The following SURF4 variants were observed in gnomAD, a reference collection of about 807,000 sequenced individuals.
The protein encoded by SURF4 is surfeit 4, also known as surfeit locus protein 4.
Under a neutral mutation model 30.0 loss-of-function variants are expected in SURF4, and 3 were observed. The ratio of observed to expected loss-of-function variants is 0.10; its 90% CI spans 0.05 to 0.26. The LOEUF is 0.26. Ranked by LOEUF, SURF4 falls within the 10% of genes least tolerant of loss-of-function variation. The probability of loss-of-function intolerance (pLI) is 1.00; values close to 1 mark genes in which losing one functional copy is unlikely to be tolerated. For missense variants in SURF4, 217 were observed against 350.8 expected (o/e 0.62, Z 3.05); for synonymous variants, 143 against 139.9 (o/e 1.02, Z -0.16).
intron 1 of SURF4, among the ~76,000 whole-genome samples, chr9:133,368,012 C>T (rs1837279798): frequency 6.6e-6 from 1 of 152,250 alleles, no homozygotes; most frequent in African/African-American, 2.4e-5. Flanking sequence ...CAGCAGCCTC[C>T]CTCCTGAGGC....
rs185339843 is a variant in SURF4 at position 133,372,577 on chromosome 9, T to G, written c.48+3345A>C. 5,916 of 985,192 alleles carry G rather than the reference T, an allele frequency of 6.0e-3. 17 individuals are homozygous for G. The highest frequency in any genetic ancestry group is 9.9e-3 in the Middle Eastern group (19 of 1,914). The allele number at this position is 985,192 out of a possible 1,614,324, so 61.0% of individuals were successfully genotyped here. On this transcript the variant is annotated intron_variant, in intron 1 of 5. Coordinates refer to ENST00000371989, the MANE Select transcript of SURF4 (RefSeq NM_033161.4). ...CTGGAAGACACTGGGCCTGGGAAAC[T>G]AAGCTTACTTAGGTCTTGCTTTCAG...
chr9:133,376,508 C>T (rs2130248651), upstream of SURF4: 108 of 1,599,934 alleles, frequency 6.8e-5, no homozygotes, highest in Non-Finnish European at 7.2e-5. Context: ...AGGCGCCCCA[C>T]GCAGGGGGAG....
rs1055218903 is a variant in SURF4, at chr9:133,376,027, G to A, written c.-58C>T. The A allele has an allele frequency of 3.6e-4, 439 of 1,213,640 alleles. 4 individuals are homozygous for A. Among genetic ancestry groups the A allele is most frequent in the Middle Eastern group, 3.1e-4 (1 of 3,176 alleles). 75.2% of individuals were successfully genotyped at this position (1,213,640 alleles called of 1,614,324 possible). On this transcript the variant is annotated 5_prime_UTR_variant, in exon 1 of 6. Transcript: ENST00000371989. ...GCTCGCTCGCTGGCTCTCGCCCGTC[G>A]GCGCCCGCACCCGCTGCGGCCTCCA...
At position 133,372,734 on chromosome 9, in the gene SURF4, T is replaced by C. The variant is rs2130199558; in HGVS notation, c.48+3188A>G. On this transcript the variant is annotated intron_variant, in intron 1 of 5. Transcript: ENST00000371989. ...AATCCTCTATCGGCTTCAAATTAGG[T>C]CATTTTCATGTAAAAGCCTGGTCTG... 73 of 706,738 alleles carry C rather than the reference T, an allele frequency of 1.0e-4. No individual in the cohort carries two copies. In the African/African-American group the frequency reaches 1.4e-3, roughly 13 times the overall value. The allele number at this position is 706,738 out of a possible 1,614,324, so 43.8% of individuals were successfully genotyped here. A position where few individuals can be genotyped will look rare whatever the true frequency, so the allele number is the denominator to read the frequency against.
Position 133,363,954 on chromosome 9 carries a change from A to C in SURF4, c.544-195T>G, listed in dbSNP as rs2130097240. The stretch of plus-strand genomic sequence containing the variant: ...AGGAGGCAATAAAGCACCAGCTTTG[A>C]AATGTGGAAGGTTTGGGGAAGACTG... On this transcript the variant is annotated intron_variant, in intron 5 of 5. Transcript: ENST00000371989. The surrounding 1 kb of genome is among the most constrained non-coding windows in gnomAD (Gnocchi z 4.3). 4.0e-4 allele frequency: 298 copies of C among 747,926 alleles called. 1 individual carries two copies. Among genetic ancestry groups the C allele is most frequent in the Non-Finnish European group, 6.3e-4 (261 of 414,358 alleles). 46.3% of individuals were successfully genotyped at this position (747,926 alleles called of 1,614,324 possible).
intron 1 of SURF4, among the ~76,000 whole-genome samples, chr9:133,370,611 G>A (rs1437783032): frequency 2.0e-5 from 3 of 152,124 alleles, no homozygotes; most frequent in Non-Finnish European, 2.9e-5. Flanking sequence ...TCTAGAACAC[G>A]TCCCAGAGCC....
At chr9:133,376,578 C>G, upstream of SURF4, 1 of 1,565,196 alleles carries the variant, frequency 6.4e-7, no homozygotes, top group Non-Finnish European at 8.6e-7. Flanking sequence ...GTGTTCCCTG[C>G]GGGGAGGCGG....
intron 1 of SURF4, among the ~76,000 whole-genome samples, chr9:133,374,262 G>A (rs1243959374): frequency 6.6e-6 from 1 of 152,036 alleles, no homozygotes; most frequent in African/African-American, 2.4e-5. Flanking sequence ...TTAAAATTGT[G>A]TCTTTAAAGG....
chr9:133,370,734 G>C (rs1267423703), intron 1 of SURF4: 1 of 543,830 alleles, frequency 1.8e-6, no homozygotes, highest in Non-Finnish European at 3.1e-6. Context: ...CTGGTAGCCA[G>C]CACACAGGTG....
At chr9:133,373,909 C>CAAAAA (rs2130215856) in intron 1 of SURF4, among the ~76,000 whole-genome samples, 982 of 47,410 alleles carry the variant, frequency 0.021, 87 homozygotes, top group Non-Finnish European at 0.027. Flanking sequence ...AATTCTGTCT[C>CAAAAA]AAAAAAAAAA....
intron 1 of SURF4, chr9:133,375,537 G>T: frequency 1.8e-6 from 1 of 551,118 alleles, no homozygotes; most frequent in Non-Finnish European, 2.3e-6. Flanking sequence ...GGAAAAACGT[G>T]CGGGGACCCC....
Position 133,363,370 on chromosome 9 carries a change from G to T in SURF4, c.*123C>A. 6.8e-7 allele frequency: 1 copy of T among 1,471,394 alleles called. No homozygotes were observed. Among genetic ancestry groups the T allele is most frequent in the Non-Finnish European group, 9.4e-7 (1 of 1,063,638 alleles). The allele number at this position is 1,471,394 out of a possible 1,614,324, so 91.1% of individuals were successfully genotyped here. On this transcript the variant is annotated 3_prime_UTR_variant, in exon 6 of 6. Transcript: ENST00000371989. The surrounding 1 kb of genome is among the most constrained non-coding windows in gnomAD (Gnocchi z 4.3). ...TGCAAATAAAGTTCTCAAAACATCT[G>T]TGCCTTTACCAAGGGAGGGGAAGGG...
intron 4 of SURF4, 136 bp from the exon 5 acceptor site, chr9:133,365,162 A>AGCAGGACCAGGCAGGCATGCGC: frequency 1.3e-6 from 1 of 796,040 alleles, no homozygotes; most frequent in East Asian, 2.8e-5. Flanking sequence ...TGATCTGCCA[A>AGCAGGACCAGGCAGGCATGCGC]GCAGGACCAG....
chr9:133,365,504 G>A (rs1336325526), intron 4 of SURF4, among the ~76,000 whole-genome samples: 1 of 152,046 alleles, frequency 6.6e-6, no homozygotes, highest in African/African-American at 2.4e-5. Context: ...GGCTTCCCTG[G>A]GCTACCCTGG....
At chr9:133,376,300 G>C, upstream of SURF4, 1 of 1,336,604 alleles carries the variant, frequency 7.5e-7, no homozygotes, top group East Asian at 3.1e-5. Flanking sequence ...CCGGCCCGGC[G>C]GAACGCGTCC....
chr9:133,370,914 C>T (rs1243033005), intron 1 of SURF4: 23 of 1,289,584 alleles, frequency 1.8e-5, no homozygotes, highest in Non-Finnish European at 2.3e-5. Context: ...CTCCGAGAAC[C>T]GCGCCATCAA....
chr9:133,373,858 C>T (rs1837664021), intron 1 of SURF4, among the ~76,000 whole-genome samples: 1 of 130,972 alleles, frequency 7.6e-6, no homozygotes, highest in East Asian at 2.3e-4. Context: ...GCGGGGGTTG[C>T]AGTGAGCCGA....
chr9:133,375,773 C>G (rs1490775575), intron 1 of SURF4, 149 bp downstream of exon 1: 2 of 834,494 alleles, frequency 2.4e-6, no homozygotes, highest in Non-Finnish European at 3.2e-6. Context: ...CCAGCCGGGA[C>G]AGAGGGCCCG....
In SURF4 at chr9:133,362,045, A is replaced by G. The variant is rs950979644; in HGVS notation, c.*1448T>C. On this transcript the variant is annotated 3_prime_UTR_variant, in exon 6 of 6. Transcript: ENST00000371989. ...GTAGGCTACCAGGGGAATATTTGCA[A>G]ACGCGTTGGGACTAGTTCGGCTGTG... The G allele has an allele frequency of 6.6e-6, 1 of 152,226 alleles. No individual in the cohort carries two copies. The highest frequency in any genetic ancestry group is 2.4e-5 in the African/African-American group (1 of 41,446). 9.4% of individuals were successfully genotyped at this position (152,226 alleles called of 1,614,324 possible). A position where few individuals can be genotyped will look rare whatever the true frequency, so the allele number is the denominator to read the frequency against.
Sources: allele counts gnomAD v4.1 joint callset (sites outside exome capture counted in the v4.1 genomes callset), GRCh38; gene constraint gnomAD v4.1.1; non-coding constraint Gnocchi (gnomAD v3.1); transcripts MANE v1.5; gene names NCBI Gene and HGNC (gene_info 2026-07-23, HGNC 2026-07-21).